Variants in CCDC25 observed in about 807,000 individuals in gnomAD.
CCDC25 encodes coiled-coil domain-containing protein 25.
CCDC25 carries 16 observed loss-of-function variants against 35.3 expected under a neutral mutation model. The ratio of observed to expected loss-of-function variants is 0.45; its 90% confidence interval spans 0.31 to 0.69. The LOEUF (loss-of-function observed/expected upper bound fraction) is 0.69, where lower values mean the gene tolerates loss of function less well. Ranked by LOEUF, CCDC25 falls within the 30% of genes least tolerant of loss-of-function variation. The pLI is 0.06. For synonymous variants in CCDC25, 79 were observed against 80.3 expected (o/e 0.98, Z 0.09); for missense variants, 179 against 250.7 (o/e 0.71, Z 1.93).
intron 2 of CCDC25, among the ~76,000 whole-genome samples, chr8:27,762,916 A>C (rs1804275923): frequency 6.6e-6 from 1 of 152,198 alleles, no homozygotes; most frequent in East Asian, 1.9e-4. Flanking sequence ...TAAAAAGAAA[A>C]TAAAAATCAC....
chr8:27,749,908 T>C (rs899278885), intron 5 of CCDC25, among the ~76,000 whole-genome samples: 1 of 152,220 alleles, frequency 6.6e-6, no homozygotes, highest in Non-Finnish European at 1.5e-5. Flanking sequence ...ATAAAGCAAA[T>C]AAATATGGAA....
intron 5 of CCDC25, among the ~76,000 whole-genome samples, chr8:27,749,708 G>A (rs1200156031): frequency 1.3e-5 from 2 of 152,018 alleles, no homozygotes; most frequent in African/African-American, 4.8e-5. Flanking sequence ...GGGACAAGTG[G>A]CAAAACTTAA....
intron 1 of CCDC25, among the ~76,000 whole-genome samples, chr8:27,771,507 G>A (rs1488417207): frequency 1.3e-5 from 2 of 151,990 alleles, no homozygotes; most frequent in Admixed American, 6.5e-5. Context: ...ATAAAAGTTA[G>A]GTGACTCTGC....
At chr8:27,739,861 A>C (rs1296182731) in intron 8 of CCDC25, among the ~76,000 whole-genome samples, 1 of 152,226 alleles carries the variant, frequency 6.6e-6, no homozygotes, top group East Asian at 1.9e-4. Flanking sequence ...ACTTCAAGAT[A>C]AATTTTGGGA....
chr8:27,749,168 A>G (rs911671147), intron 5 of CCDC25, among the ~76,000 whole-genome samples: 4 of 152,234 alleles, frequency 2.6e-5, no homozygotes, highest in African/African-American at 9.6e-5. Flanking sequence ...TCATCAAAGC[A>G]GAGGCGCTCT....
rs1284947334 is a variant in CCDC25 at position 27,761,090 on chromosome 8, T to C, written c.116+1329A>G. Among the ~76,000 whole-genome samples the C allele has an allele frequency of 3.3e-5, 5 of 151,874 alleles. No individual in the cohort carries two copies. In the East Asian group the frequency reaches 7.7e-4, roughly 24 times the overall value. On this transcript the variant is annotated intron_variant, in intron 3 of 8. Coordinates refer to ENST00000356537, the MANE Select transcript of CCDC25 (RefSeq NM_018246.3). The stretch of plus-strand genomic sequence containing the variant: ...GTTACAGTGAGCCGAGATCGCACCA[T>C]TGCACTCCAGCCTCGGCAACAAGGG...
chr8:27,741,681 C>G (rs973590712), intron 7 of CCDC25, among the ~76,000 whole-genome samples: 1 of 152,134 alleles, frequency 6.6e-6, no homozygotes, highest in African/African-American at 2.4e-5. Context: ...CCATCTCAAA[C>G]GACAACAACA....
intron 3 of CCDC25, among the ~76,000 whole-genome samples, chr8:27,757,658 C>T (rs903639879): frequency 6.6e-6 from 1 of 152,152 alleles, no homozygotes; most frequent in Admixed American, 6.5e-5. Flanking sequence ...CTTTCCAATA[C>T]CCAGAAATGC....
intron 4 of CCDC25, among the ~76,000 whole-genome samples, chr8:27,755,819 C>A (rs535466861): frequency 6.6e-6 from 1 of 152,276 alleles, no homozygotes; most frequent in Admixed American, 6.5e-5. Context: ...CTACAAAACA[C>A]CTGATCAGTA....
At chr8:27,772,187 G>A (rs1585384714) in intron 1 of CCDC25, 3 of 459,804 alleles carry the variant, frequency 6.5e-6, no homozygotes, top group African/African-American at 2.0e-5. Flanking sequence ...GAAGACTTGG[G>A]ATAAGGTGTG....
At position 27,737,204 on chromosome 8, in the gene CCDC25, G is replaced by A. The variant is rs77429866; in HGVS notation, c.598-959C>T. On this transcript the variant is annotated intron_variant, in intron 8 of 8. Transcript: ENST00000356537. This position sits in a 1 kb window ranked among gnomAD's most constrained non-coding sequence, Gnocchi z 4.6. ...CTGAAGCCAAGGTAAAAATGCCTTC[G>A]ATAATTGTACAAAGAACAGACTAAT... Among the ~76,000 whole-genome samples, 1,779 of 152,270 alleles carry A rather than the reference G, an allele frequency of 0.012. 48 individuals carry two copies. Among genetic ancestry groups the A allele is most frequent in the African/African-American group, 0.041 (1,695 of 41,550 alleles).
intron 1 of CCDC25, among the ~76,000 whole-genome samples, chr8:27,766,661 C>T (rs1351644164): frequency 6.6e-6 from 1 of 152,084 alleles, no homozygotes; most frequent in Non-Finnish European, 1.5e-5. Context: ...CAAGTGTATA[C>T]CCTTTCAATC....
chr8:27,746,711 CAT>C (rs1030310150), intron 7 of CCDC25, among the ~76,000 whole-genome samples: 5 of 152,170 alleles, frequency 3.3e-5, no homozygotes, highest in Admixed American at 1.3e-4. Flanking sequence ...AATACTTAAA[CAT>C]ATATGTTAGT....
intron 5 of CCDC25, among the ~76,000 whole-genome samples, chr8:27,750,405 G>A (rs1403476920): frequency 6.6e-6 from 1 of 152,064 alleles, no homozygotes; most frequent in African/African-American, 2.4e-5. Context: ...AACTCAACGG[G>A]GTGGATAATT....
At position 27,770,087 on chromosome 8, in the gene CCDC25, T is replaced by C. The variant is rs148106386; in HGVS notation, c.28+2426A>G. ...TGAACCCAGGAGGTAGAGGTTGCAGTGAACTGAGATCACACCACCGTACTC... is the reference window on the plus strand; with the variant it reads ...TGAACCCAGGAGGTAGAGGTTGCAGCGAACTGAGATCACACCACCGTACTC... On this transcript the variant is annotated intron_variant, in intron 1 of 8. Transcript: ENST00000356537. Among the ~76,000 whole-genome samples the C allele has an allele frequency of 7.0e-3, 1,073 of 152,214 alleles. 7 individuals are homozygous for C. Among genetic ancestry groups the C allele is most frequent in the African/African-American group, 0.024 (1,013 of 41,504 alleles).
chr8:27,761,666 G>C (rs1164234573), intron 3 of CCDC25, among the ~76,000 whole-genome samples: 1 of 152,150 alleles, frequency 6.6e-6, no homozygotes, highest in Non-Finnish European at 1.5e-5. Context: ...GTCAGTGGTG[G>C]AAGCTGAAGA....
intron 7 of CCDC25, among the ~76,000 whole-genome samples, chr8:27,744,772 A>G (rs1803551983): frequency 6.6e-6 from 1 of 152,176 alleles, no homozygotes; most frequent in Admixed American, 6.5e-5. Context: ...ACGATAGACT[A>G]TTGGCTTCAG....
intron 1 of CCDC25, among the ~76,000 whole-genome samples, chr8:27,770,413 CAAGACTCCGTCTCA>C (rs1804555676): frequency 6.6e-6 from 1 of 150,454 alleles, no homozygotes; most frequent in Non-Finnish European, 1.5e-5. Context: ...GGTGACAAAG[CAAGACTCCGTCTCA>C]AAAATAAATA....
Position 27,762,471 on chromosome 8 carries a change from A to T in CCDC25, c.77-13T>A. ...ATCAGATCTTCATCTGCAATGAGAT[A>T]TGAGAAACGAAAGAAACAAAAACTG... On this transcript the variant is annotated splice_polypyrimidine_tract_variant and intron_variant, in intron 2 of 8. Transcript: ENST00000356537. 1 of 1,611,224 alleles carries T rather than the reference A, an allele frequency of 6.2e-7. No homozygotes were observed. Among genetic ancestry groups the T allele is most frequent in the African/African-American group, 1.3e-5 (1 of 74,884 alleles).
Sources: gnomAD v4.1 joint callset for allele counts (sites outside exome capture counted in the v4.1 genomes callset) on GRCh38, gnomAD v4.1.1 for gene constraint, Gnocchi (gnomAD v3.1) non-coding constraint, MANE v1.5 for transcripts, NCBI Gene and HGNC (gene_info 2026-07-23, HGNC 2026-07-21) for gene names.